GNA14: variants seen among roughly 807,000 people sequenced by gnomAD.
GNA14 encodes the protein G protein subunit alpha 14, also known as guanine nucleotide-binding protein subunit alpha-14.
Under a neutral mutation model 42.0 loss-of-function variants are expected in GNA14, and 50 were observed. The observed-to-expected ratio is 1.19, with a 90% CI of 0.95 to 1.51. The LOEUF (loss-of-function observed/expected upper bound fraction) is 1.51. GNA14 is among the 40% of genes most tolerant of loss of function. GNA14 has a pLI of 0.00. For synonymous variants in GNA14, 173 were observed against 163.1 expected (o/e 1.06, Z -0.46); for missense variants, 473 against 446.2 (o/e 1.06, Z -0.54).
rs1189941115 is a variant in GNA14 at position 77,609,749 on chromosome 9, A to G, written c.124+37921T>C. Among the ~76,000 whole-genome samples the G allele has an allele frequency of 2.0e-5, 3 of 152,128 alleles. No homozygotes were observed. The East Asian group carries it at 5.8e-4, about 29-fold the overall frequency. ...ATCCTCTGTTGGGGTTCAGAAAAAAATCCTCAAAATATGGCCCTTTGGCAT... is the reference window on the plus strand; with the variant it reads ...ATCCTCTGTTGGGGTTCAGAAAAAAGTCCTCAAAATATGGCCCTTTGGCAT... On this transcript the variant is annotated intron_variant, in intron 1 of 6. Coordinates refer to ENST00000341700, the MANE Select transcript of GNA14 (RefSeq NM_004297.4).
At chr9:77,544,280 A>G (rs1375023105) in intron 1 of GNA14, among the ~76,000 whole-genome samples, 1 of 152,214 alleles carries the variant, frequency 6.6e-6, no homozygotes, top group African/African-American at 2.4e-5. Flanking sequence ...CCCTCTCGAC[A>G]TCAATTACTT....
chr9:77,610,269 T>C (rs1823709546), intron 1 of GNA14, among the ~76,000 whole-genome samples: 3 of 152,314 alleles, frequency 2.0e-5, no homozygotes, highest in Non-Finnish European at 4.4e-5. Context: ...AACTTTAGCC[T>C]TCTGGTCCTT....
chr9:77,584,144 A>G (rs72732773), intron 1 of GNA14, among the ~76,000 whole-genome samples: 25,486 of 152,146 alleles, frequency 0.17, 2,196 homozygotes, highest in Middle Eastern at 0.23. Context: ...ATTCCCATTC[A>G]GTTTACTGCC....
At chr9:77,426,072 T>C (rs931240445) in intron 5 of GNA14, among the ~76,000 whole-genome samples, 9 of 152,190 alleles carry the variant, frequency 5.9e-5, no homozygotes, top group African/African-American at 1.9e-4. Context: ...TTGGGATTAC[T>C]AAGTGGGGAA....
chr9:77,644,018 T>C (rs1587859361), intron 1 of GNA14, among the ~76,000 whole-genome samples: 1 of 152,236 alleles, frequency 6.6e-6, no homozygotes, highest in South Asian at 2.1e-4. Context: ...CCAGTGTTTC[T>C]GGCTGAATTT....
At chr9:77,523,979 T>C (rs1038766728) in intron 2 of GNA14, among the ~76,000 whole-genome samples, 3 of 152,206 alleles carry the variant, frequency 2.0e-5, no homozygotes, top group African/African-American at 4.8e-5. Context: ...ATGATGCTTT[T>C]CTGGCTTCTG....
chr9:77,642,247 CAGA>C lies in GNA14; in HGVS notation c.124+5420_124+5422del, dbSNP rs969219095. On this transcript the variant is annotated intron_variant, in intron 1 of 6. Coordinates refer to ENST00000341700, the MANE Select transcript of GNA14 (RefSeq NM_004297.4). ...GGTTCTGTATTCATTTAAGGGTAGA[CAGA>C]AGAAGAGGTACGTGCATTTGCCTCT... 1.2e-4 allele frequency among the ~76,000 whole-genome samples: 18 copies of C among 152,272 alleles called. 1 individual carries two copies. Among genetic ancestry groups the C allele is most frequent in the African/African-American group, 4.1e-4 (17 of 41,550 alleles).
intron 2 of GNA14, among the ~76,000 whole-genome samples, chr9:77,498,294 A>AC (rs1162330819): frequency 7.5e-5 from 11 of 147,382 alleles, no homozygotes; most frequent in African/African-American, 2.8e-4. Flanking sequence ...AATCACTTGA[A>AC]CCCAGGAGGC....
At chr9:77,505,030 T>C (rs1837046766) in intron 2 of GNA14, among the ~76,000 whole-genome samples, 1 of 152,148 alleles carries the variant, frequency 6.6e-6, no homozygotes, top group Non-Finnish European at 1.5e-5. Context: ...TAATCATTTG[T>C]ACTCCCCCTT....
Position 77,429,056 on chromosome 9 carries a change from A to G in GNA14, c.594-20T>C, listed in dbSNP as rs2131687822. The G allele has an allele frequency of 6.2e-7, 1 of 1,613,402 alleles. No individual in the cohort carries two copies. Among genetic ancestry groups the G allele is most frequent in the South Asian group, 1.1e-5 (1 of 90,936 alleles). ...ACCATCCTGTTGTGTAGAAACACAG[A>G]TCCTTCAAAGGTTGGAATACATGAC... On this transcript the variant is annotated intron_variant, in intron 4 of 6. Coordinates refer to ENST00000341700, the MANE Select transcript of GNA14 (RefSeq NM_004297.4).
At chr9:77,455,146 G>A (rs1460939053) in intron 2 of GNA14, among the ~76,000 whole-genome samples, 1 of 152,210 alleles carries the variant, frequency 6.6e-6, no homozygotes, top group African/African-American at 2.4e-5. Context: ...GCTGATGGCA[G>A]GATCCAGGTC....
At chr9:77,585,146 G>A (rs1264841110) in intron 1 of GNA14, among the ~76,000 whole-genome samples, 5 of 152,188 alleles carry the variant, frequency 3.3e-5, no homozygotes, top group South Asian at 2.1e-4. Flanking sequence ...TGGTTCACAC[G>A]CCTCTGACAG....
At chr9:77,583,475 T>C (rs745651714) in intron 1 of GNA14, among the ~76,000 whole-genome samples, 10 of 152,242 alleles carry the variant, frequency 6.6e-5, no homozygotes, top group Non-Finnish European at 1.5e-4. Context: ...TAAAACTGTT[T>C]GGAATTTTAC....
At chr9:77,484,948 G>GTTACAATC (rs1554691113) in intron 2 of GNA14, among the ~76,000 whole-genome samples, 2 of 151,132 alleles carry the variant, frequency 1.3e-5, no homozygotes, top group African/African-American at 2.4e-5. Flanking sequence ...CATACAGCAA[G>GTTACAATC]TTATAATCTT....
intron 1 of GNA14, among the ~76,000 whole-genome samples, chr9:77,625,359 C>G (rs1192845680): frequency 6.6e-6 from 1 of 152,176 alleles, no homozygotes; most frequent in East Asian, 1.9e-4. Flanking sequence ...CCCCACCTAG[C>G]AAGACAGGCC....
intron 2 of GNA14, among the ~76,000 whole-genome samples, chr9:77,505,841 T>C (rs1317367692): frequency 6.6e-6 from 1 of 152,222 alleles, no homozygotes; most frequent in Non-Finnish European, 1.5e-5. Flanking sequence ...AACAGGTGCA[T>C]GATAAATATA....
intron 2 of GNA14, among the ~76,000 whole-genome samples, chr9:77,479,918 T>C (rs973743082): frequency 6.6e-6 from 1 of 152,192 alleles, no homozygotes; most frequent in Non-Finnish European, 1.5e-5. Context: ...GAGACTTTGC[T>C]GAAGTTGCTT....
At chr9:77,621,450 G>C (rs1178879599) in intron 1 of GNA14, among the ~76,000 whole-genome samples, 1 of 152,198 alleles carries the variant, frequency 6.6e-6, no homozygotes, top group Non-Finnish European at 1.5e-5. Context: ...AAGTGTGCAT[G>C]CAAGTGCACA....
intron 2 of GNA14, among the ~76,000 whole-genome samples, chr9:77,463,759 C>T (rs1418151956): frequency 2.1e-5 from 3 of 145,644 alleles, no homozygotes; most frequent in East Asian, 1.9e-4. Context: ...GGAACCCCCA[C>T]CAAGGACAGG....
Sources: allele counts gnomAD v4.1 joint callset (sites outside exome capture counted in the v4.1 genomes callset), GRCh38; gene constraint gnomAD v4.1.1; transcripts MANE v1.5; gene names NCBI Gene and HGNC (gene_info 2026-07-23, HGNC 2026-07-21).